The following HS3ST4 variants were observed in gnomAD, a reference collection of about 807,000 sequenced individuals.
HS3ST4 encodes heparan sulfate-glucosamine 3-sulfotransferase 4.
In HS3ST4, 17 loss-of-function variants were observed where a neutral mutation model predicts 29.2. The observed-to-expected ratio is 0.58, with a 90% CI of 0.40 to 0.87. The LOEUF (loss-of-function observed/expected upper bound fraction) is 0.87, where lower values mean the gene tolerates loss of function less well. Ranked by LOEUF, HS3ST4 falls within the 40% of genes least tolerant of loss-of-function variation. The pLI is 0.00. For missense variants in HS3ST4, 627 were observed against 634.5 expected (o/e 0.99, Z 0.13); for synonymous variants, 314 against 285.7 (o/e 1.10, Z -1.00).
chr16:26,008,581 G>C (rs1969280162), intron 1 of HS3ST4, among the ~76,000 whole-genome samples: 1 of 152,194 alleles, frequency 6.6e-6, no homozygotes, highest in Non-Finnish European at 1.5e-5. Context: ...CACTTTGGGA[G>C]GCCAAGGTAG....
intron 1 of HS3ST4, among the ~76,000 whole-genome samples, chr16:25,855,340 G>A (rs1967564944): frequency 6.6e-6 from 1 of 152,178 alleles, no homozygotes. Context: ...AAAGGTGTCA[G>A]ACTCTTAGGT....
chr16:25,905,335 T>C (rs1189835991), intron 1 of HS3ST4, among the ~76,000 whole-genome samples: 1 of 150,322 alleles, frequency 6.7e-6, no homozygotes, highest in Non-Finnish European at 1.5e-5. Context: ...AAAAATTAGA[T>C]AGGGGCGGAG....
intron 1 of HS3ST4, among the ~76,000 whole-genome samples, chr16:25,972,628 G>T (rs767417442): frequency 6.6e-6 from 1 of 152,186 alleles, no homozygotes; most frequent in African/African-American, 2.4e-5. Context: ...TTGAGAGAGC[G>T]CCAGAAAGAC....
In HS3ST4 at chr16:25,730,397, TTCTCTCCC is replaced by T. The variant is rs776399853; in HGVS notation, c.734+37260_734+37267del. On this transcript the variant is annotated intron_variant, in intron 1 of 1. Transcript: ENST00000331351. ...CTTTCCTTCCTCCCCTCCCTCGTCC[TTCTCTCCC>T]TCTCTCCCTCTCTTCCTTATCTCCC... 8.7e-5 allele frequency among the ~76,000 whole-genome samples: 12 copies of T among 137,552 alleles called. No homozygotes were observed. In the South Asian group the frequency reaches 1.4e-3, roughly 16 times the overall value. 90.2% of individuals were successfully genotyped at this position (137,552 alleles called of 152,430 possible). A position where few individuals can be genotyped will look rare whatever the true frequency, so the allele number is the denominator to read the frequency against.
At chr16:25,755,611 C>T (rs1048365138) in intron 1 of HS3ST4, among the ~76,000 whole-genome samples, 1 of 152,142 alleles carries the variant, frequency 6.6e-6, no homozygotes, top group African/African-American at 2.4e-5. Context: ...CTTTCTTTAC[C>T]TTGGCCCGAG....
intron 1 of HS3ST4, among the ~76,000 whole-genome samples, chr16:25,855,083 AG>A (rs1967562017): frequency 6.6e-6 from 1 of 152,174 alleles, no homozygotes; most frequent in Non-Finnish European, 1.5e-5. Context: ...ATGGGTCAAA[AG>A]GGTGGTGGGG....
intron 1 of HS3ST4, among the ~76,000 whole-genome samples, chr16:25,821,586 T>C (rs1455373898): frequency 6.6e-6 from 1 of 152,342 alleles, no homozygotes; most frequent in Middle Eastern, 3.4e-3. Context: ...TGAGTAAACC[T>C]ATCAATTTTT....
At chr16:25,955,817 CTT>C (rs67504831) in intron 1 of HS3ST4, among the ~76,000 whole-genome samples, 2 of 142,148 alleles carry the variant, frequency 1.4e-5, no homozygotes, top group Admixed American at 7.1e-5. Flanking sequence ...GTGATGTATA[CTT>C]TTTTTTTTTT....
intron 1 of HS3ST4, among the ~76,000 whole-genome samples, chr16:25,779,101 T>A (rs1417922627): frequency 2.6e-5 from 4 of 152,178 alleles, no homozygotes; most frequent in Non-Finnish European, 5.9e-5. Context: ...TCCTTCCCTC[T>A]GTAAGAATGC....
At chr16:26,123,256 G>A (rs898369184) in intron 1 of HS3ST4, among the ~76,000 whole-genome samples, 4 of 152,104 alleles carry the variant, frequency 2.6e-5, no homozygotes, top group African/African-American at 9.7e-5. Context: ...TTTGACAGAG[G>A]ACAAAACTGA....
At chr16:26,036,611 T>G (rs1407330601) in intron 1 of HS3ST4, among the ~76,000 whole-genome samples, 1 of 152,212 alleles carries the variant, frequency 6.6e-6, no homozygotes. Flanking sequence ...AAAGGAAGAT[T>G]AGATGTACTT....
intron 1 of HS3ST4, among the ~76,000 whole-genome samples, chr16:26,073,387 T>C (rs1241678704): frequency 1.3e-5 from 1 of 76,280 alleles, no homozygotes; most frequent in Non-Finnish European, 3.3e-5. Context: ...CTTTTCTTTT[T>C]TTTCTGTGAC....
intron 1 of HS3ST4, among the ~76,000 whole-genome samples, chr16:25,701,310 A>T (rs1428928322): frequency 6.6e-6 from 1 of 152,146 alleles, no homozygotes; most frequent in Non-Finnish European, 1.5e-5. Context: ...TCCTAAAGCA[A>T]TAATTGTGTG....
chr16:26,116,247 G>C (rs1431287997), intron 1 of HS3ST4, among the ~76,000 whole-genome samples: 1 of 152,210 alleles, frequency 6.6e-6, no homozygotes, highest in East Asian at 1.9e-4. Context: ...TCTATAGGGT[G>C]ACTTTCTTCA....
At chr16:25,907,853 A>G (rs1217465359) in intron 1 of HS3ST4, among the ~76,000 whole-genome samples, 1 of 152,232 alleles carries the variant, frequency 6.6e-6, no homozygotes, top group East Asian at 1.9e-4. Context: ...TTCATCAGCC[A>G]AAAGGACATG....
At chr16:25,767,547 T>C (rs1364483739) in intron 1 of HS3ST4, among the ~76,000 whole-genome samples, 3 of 152,208 alleles carry the variant, frequency 2.0e-5, no homozygotes, top group Non-Finnish European at 4.4e-5. Flanking sequence ...TGTAATACTT[T>C]CATTTTAAGT....
intron 1 of HS3ST4, among the ~76,000 whole-genome samples, chr16:26,117,611 C>T (rs2141807567): frequency 6.6e-6 from 1 of 152,330 alleles, no homozygotes; most frequent in Admixed American, 6.5e-5. Context: ...GCAGAAGCAT[C>T]TTCAGCAGGT....
At chr16:25,795,281 CCTTTT>C (rs113690618) in intron 1 of HS3ST4, among the ~76,000 whole-genome samples, 2,079 of 152,014 alleles carry the variant, frequency 0.014, 21 homozygotes, top group Middle Eastern at 0.024. Flanking sequence ...CCCCATCCCG[CCTTTT>C]CTTTTCTTTT....
intron 1 of HS3ST4, among the ~76,000 whole-genome samples, chr16:25,807,540 A>G (rs1395080730): frequency 6.6e-6 from 1 of 152,128 alleles, no homozygotes; most frequent in Non-Finnish European, 1.5e-5. Context: ...GATGTAGCCC[A>G]ATTTGTTTAA....
Sources: gnomAD v4.1 joint callset for allele counts (sites outside exome capture counted in the v4.1 genomes callset) on GRCh38, gnomAD v4.1.1 for gene constraint, MANE v1.5 for transcripts, NCBI Gene and HGNC (gene_info 2026-07-23, HGNC 2026-07-21) for gene names.